The following FRMPD1 variants were observed in gnomAD, a reference collection of about 807,000 sequenced individuals.
FRMPD1 encodes FERM and PDZ domain-containing protein 1.
A neutral mutation model predicts 117.8 loss-of-function variants in FRMPD1; 76 were observed. The ratio of observed to expected loss-of-function variants is 0.65; its 90% CI spans 0.54 to 0.78. The LOEUF is 0.78. FRMPD1 is among the 30% of genes least tolerant of loss of function. The pLI, the probability that FRMPD1 is intolerant of heterozygous loss-of-function variation, is 0.00. For synonymous variants in FRMPD1, 783 were observed against 770.4 expected, an observed-to-expected ratio of 1.02 and a Z score of -0.27; for missense variants, 1,786 against 1,964.5, an observed-to-expected ratio of 0.91 and a Z score of 1.72.
intron 1 of FRMPD1, among the ~76,000 whole-genome samples, chr9:37,664,255 T>C (rs982424840): frequency 6.6e-6 from 1 of 151,956 alleles, no homozygotes; most frequent in African/African-American, 2.4e-5. Flanking sequence ...GAGATGCCCT[T>C]TGGAGGGGAT....
intron 7 of FRMPD1, among the ~76,000 whole-genome samples, chr9:37,725,093 A>G (rs761467888): frequency 5.9e-5 from 9 of 152,234 alleles, no homozygotes; most frequent in Non-Finnish European, 1.0e-4. Context: ...AAAAATGGCA[A>G]TTGCCCAGGA....
chr9:37,638,319 C>T, the FRMPD1 span, among the ~76,000 whole-genome samples: 3 of 151,998 alleles, frequency 2.0e-5, no homozygotes, highest in Admixed American at 1.3e-4. Context: ...GTGATCTGCC[C>T]GCTTCGGCCT....
At chr9:37,603,836 G>T in the FRMPD1 span, among the ~76,000 whole-genome samples, 561 of 152,056 alleles carry the variant, frequency 3.7e-3, 7 homozygotes, top group African/African-American at 0.013. Context: ...GTGCCACCAC[G>T]CCCGGCTAAT....
At chr9:37,610,808 G>T in the FRMPD1 span, among the ~76,000 whole-genome samples, 1 of 151,946 alleles carries the variant, frequency 6.6e-6, no homozygotes, top group Admixed American at 6.6e-5. Context: ...TCTCCATGTT[G>T]TTAGACTGGT....
the FRMPD1 span, among the ~76,000 whole-genome samples, chr9:37,616,117 CTT>C: frequency 7.7e-3 from 745 of 96,708 alleles, 4 homozygotes; most frequent in African/African-American, 0.027. Context: ...GTGCCCAGCC[CTT>C]TTTTTTTTTT....
At chr9:37,710,850 C>G (rs552125117) in intron 4 of FRMPD1, among the ~76,000 whole-genome samples, 2 of 150,440 alleles carry the variant, frequency 1.3e-5, no homozygotes, top group Non-Finnish European at 2.9e-5. Flanking sequence ...CCCAGCTACT[C>G]GGGAGGCTGA....
Position 37,707,398 on chromosome 9 carries a change from A to C in FRMPD1, c.102-18A>C. 1 of 1,609,312 alleles carries C rather than the reference A, an allele frequency of 6.2e-7. No homozygotes were observed. Among genetic ancestry groups the C allele is most frequent in the Non-Finnish European group, 8.5e-7 (1 of 1,178,094 alleles). On this transcript the variant is annotated intron_variant, in intron 2 of 15. Transcript: ENST00000377765. The stretch of plus-strand genomic sequence containing the variant: ...AGAGTCTTCTCTTTCTCTTTTTTAC[A>C]TACTCCTTCTCTTCCAGGGCTAAAG...
chr9:37,632,014 A>G, the FRMPD1 span, among the ~76,000 whole-genome samples: 2 of 152,236 alleles, frequency 1.3e-5, no homozygotes, highest in Admixed American at 6.5e-5. Context: ...TACTGGTCAT[A>G]AAAAGAAGAA....
chr9:37,672,038 G>A (rs376684007), intron 1 of FRMPD1, among the ~76,000 whole-genome samples: 3 of 152,104 alleles, frequency 2.0e-5, no homozygotes, highest in South Asian at 2.1e-4. Flanking sequence ...CTAAGCTTGC[G>A]GGGAGACAAC....
chr9:37,728,878 G>C (rs1050774459), intron 7 of FRMPD1, among the ~76,000 whole-genome samples: 2 of 151,462 alleles, frequency 1.3e-5, no homozygotes, highest in African/African-American at 4.9e-5. Context: ...CATGAGAATT[G>C]CTTGAACCCA....
At chr9:37,691,511 G>A (rs1303046973) in intron 1 of FRMPD1, among the ~76,000 whole-genome samples, 1 of 152,220 alleles carries the variant, frequency 6.6e-6, no homozygotes, top group African/African-American at 2.4e-5. Flanking sequence ...TATGTAAGAT[G>A]TTAATATTAG....
At chr9:37,613,254 AT>A in the FRMPD1 span, among the ~76,000 whole-genome samples, 1 of 152,214 alleles carries the variant, frequency 6.6e-6, no homozygotes, top group African/African-American at 2.4e-5. Flanking sequence ...CTCAGTGAAT[AT>A]ATACTGAGCA....
rs114878657 is a variant in FRMPD1 at position 37,652,432 on chromosome 9, C to T, written c.-5+1338C>T. ...TTCTTTTGCCCAATATCTTGTTCCC[C>T]TTGTGCTGCAATTAGTGGCTCCCCA... On this transcript the variant is annotated intron_variant, in intron 1 of 15. Transcript: ENST00000377765. Among the ~76,000 whole-genome samples, 266 of 152,342 alleles carry T rather than the reference C, an allele frequency of 1.7e-3. 1 individual carries two copies. Among genetic ancestry groups the T allele is most frequent in the African/African-American group, 5.9e-3 (244 of 41,570 alleles).
Position 37,675,336 on chromosome 9 carries a change from G to A in FRMPD1, c.-4-17302G>A, listed in dbSNP as rs138140060. 7.6e-4 allele frequency among the ~76,000 whole-genome samples: 116 copies of A among 152,050 alleles called. 1 individual carries two copies. The East Asian group carries it at 0.018, about 23-fold the overall frequency. On this transcript the variant is annotated intron_variant, in intron 1 of 15. Coordinates refer to ENST00000377765, the MANE Select transcript of FRMPD1 (RefSeq NM_014907.3). ...CTCGGGTGGCTGAGGCACAAGAATC[G>A]GTTGAAACTGGGAGATGGAGGTTGC...
At chr9:37,626,533 G>A in the FRMPD1 span, among the ~76,000 whole-genome samples, 1 of 145,974 alleles carries the variant, frequency 6.9e-6, no homozygotes, top group Non-Finnish European at 1.5e-5. Context: ...TAAATGAAGG[G>A]CTGGGCACTT....
intron 7 of FRMPD1, among the ~76,000 whole-genome samples, chr9:37,725,585 A>G (rs144587961): frequency 1.1e-3 from 169 of 152,360 alleles, no homozygotes; most frequent in African/African-American, 3.9e-3. Flanking sequence ...AATGTGAGTT[A>G]GAAGAAGCTG....
In FRMPD1 at chr9:37,745,596, C is replaced by G. The variant is rs753000601; in HGVS notation, c.3564C>G (p.Pro1188=). ...PRDPQGQSRE[P]PGQGCQAQEQ... is the part of the protein sequence containing the mutation. ...ACCCTCAAGGACAGAGCAGAGAACCCCCAGGGCAAGGCTGCCAGGCTCAAG... is the reference window on the plus strand; with the variant it reads ...ACCCTCAAGGACAGAGCAGAGAACCGCCAGGGCAAGGCTGCCAGGCTCAAG... The change falls in exon 16 of 16, where the codon CCC becomes CCG. Residue 1188 remains proline (P), a synonymous_variant. Transcript: ENST00000377765. 25 of 1,614,036 alleles carry G rather than the reference C, an allele frequency of 1.5e-5. No individual in the cohort carries two copies. The Admixed American group carries it at 4.2e-4, about 27-fold the overall frequency.
chr9:37,709,165 A>G (rs1822820240), intron 4 of FRMPD1, among the ~76,000 whole-genome samples: 1 of 152,294 alleles, frequency 6.6e-6, no homozygotes, highest in South Asian at 2.1e-4. Context: ...ACAAGCAGAC[A>G]TTTTAAGGGC....
At chr9:37,622,440 A>G in the FRMPD1 span, among the ~76,000 whole-genome samples, 1 of 152,260 alleles carries the variant, frequency 6.6e-6, no homozygotes, top group Non-Finnish European at 1.5e-5. Context: ...CCAGAGGGTC[A>G]GAAGCAACCC....
Sources: gnomAD v4.1 joint callset for allele counts (sites outside exome capture counted in the v4.1 genomes callset) on GRCh38, gnomAD v4.1.1 for gene constraint, MANE v1.5 for transcripts, NCBI Gene and HGNC (gene_info 2026-07-23, HGNC 2026-07-21) for gene names.